The following DISC1 variants were observed in gnomAD, a reference collection of about 807,000 sequenced individuals.
The protein encoded by DISC1 is DISC1 scaffold protein.
In DISC1, 57 loss-of-function variants were observed where a neutral mutation model predicts 84.5. The observed-to-expected ratio is 0.67, with a 90% CI of 0.55 to 0.84. The LOEUF (loss-of-function observed/expected upper bound fraction) is 0.84. Among genes scored for constraint, DISC1 ranks in the 40% least tolerant of loss-of-function variants. The pLI, the probability that DISC1 is intolerant of heterozygous loss-of-function variation, is 0.00. For synonymous variants in DISC1, 411 were observed against 415.2 expected, an observed-to-expected ratio of 0.99 and a Z score of 0.12; for missense variants, 1,000 against 1,057.8, an observed-to-expected ratio of 0.95 and a Z score of 0.76.
At chr1:231,722,562 A>G (rs374522422) in intron 3 of DISC1, 2 of 1,614,068 alleles carry the variant, frequency 1.2e-6, no homozygotes, top group African/African-American at 1.3e-5. Context: ...CTTTGGATCC[A>G]CCATGGAAGC....
At chr1:231,671,686 C>G (rs1365186562) in intron 1 of DISC1, among the ~76,000 whole-genome samples, 2 of 152,120 alleles carry the variant, frequency 1.3e-5, no homozygotes, top group Admixed American at 1.3e-4. Flanking sequence ...CAGGTATTCT[C>G]ATGGTTTTAA....
Position 231,626,908 on chromosome 1 carries a change from G to GT in DISC1, c.41_42insT (p.Gly15ArgfsTer75). 6.7e-7 allele frequency: 1 copy of GT among 1,491,934 alleles called. No individual in the cohort carries two copies. Among genetic ancestry groups the GT allele is most frequent in the Non-Finnish European group, 8.9e-7 (1 of 1,127,448 alleles). 92.4% of individuals were successfully genotyped at this position (1,491,934 alleles called of 1,614,324 possible). A position where few individuals can be genotyped will look rare whatever the true frequency, so the allele number is the denominator to read the frequency against. On this transcript the variant is annotated frameshift_variant, in exon 1 of 13. Coordinates refer to ENST00000439617, the MANE Select transcript of DISC1 (RefSeq NM_018662.3). LOFTEE classifies it high-confidence loss of function. ...CCTCAGGGCGCCCCAGCCGCCGCCG[G>GT]CGGCGGCGGCGTGAGCCACCGCGCA...
At chr1:231,983,528 G>C (rs919790797) in intron 10 of DISC1, among the ~76,000 whole-genome samples, 2 of 14,544 alleles carry the variant, frequency 1.4e-4, no homozygotes, top group Admixed American at 9.3e-4. Context: ...ATATGGGCCC[G>C]GGGGTGGGGT....
At chr1:231,746,510 C>T (rs961152575) in intron 3 of DISC1, among the ~76,000 whole-genome samples, 8 of 152,192 alleles carry the variant, frequency 5.3e-5, no homozygotes, top group Admixed American at 2.0e-4. Flanking sequence ...TTTGTAGTTT[C>T]TTGAGGAACT....
intron 9 of DISC1, among the ~76,000 whole-genome samples, chr1:231,901,597 G>A (rs913392552): frequency 2.0e-5 from 3 of 152,160 alleles, no homozygotes; most frequent in African/African-American, 7.2e-5. Flanking sequence ...ATGAAATCAG[G>A]CTTGTATGGC....
intron 6 of DISC1, among the ~76,000 whole-genome samples, chr1:231,791,299 A>G (rs1024660235): frequency 1.3e-5 from 2 of 152,172 alleles, no homozygotes; most frequent in African/African-American, 4.8e-5. Context: ...GGTAGTTAGT[A>G]TTGTTCAACA....
intron 9 of DISC1, among the ~76,000 whole-genome samples, chr1:231,869,345 C>G (rs962846190): frequency 6.6e-6 from 1 of 152,006 alleles, no homozygotes; most frequent in Non-Finnish European, 1.5e-5. Flanking sequence ...TGGCCCTCAA[C>G]AAAAATATAA....
chr1:231,867,029 A>G (rs1039907960), intron 9 of DISC1, among the ~76,000 whole-genome samples: 1 of 152,144 alleles, frequency 6.6e-6, no homozygotes, highest in African/African-American at 2.4e-5. Context: ...AATCAACACA[A>G]TTACATTCCT....
intron 3 of DISC1, 21 bp downstream of exon 3, chr1:231,702,045 T>G: frequency 6.3e-7 from 1 of 1,597,804 alleles, no homozygotes; most frequent in East Asian, 2.2e-5. Flanking sequence ...ATTTGTTTAT[T>G]GATTGTTTTG....
intron 9 of DISC1, among the ~76,000 whole-genome samples, chr1:231,823,628 C>G (rs1338394125): frequency 6.6e-6 from 1 of 152,160 alleles, no homozygotes; most frequent in African/African-American, 2.4e-5. Context: ...AGCTCTTTTA[C>G]TTGTATTATT....
At chr1:231,963,532 T>G (rs1660678639) in intron 10 of DISC1, among the ~76,000 whole-genome samples, 1 of 139,202 alleles carries the variant, frequency 7.2e-6, no homozygotes. Context: ...AGCCCACCCC[T>G]CACCCTCACC....
intron 1 of DISC1, among the ~76,000 whole-genome samples, chr1:231,691,616 C>T (rs1044491138): frequency 6.6e-6 from 1 of 152,310 alleles, no homozygotes; most frequent in East Asian, 1.9e-4. Context: ...TCTTTTTAAA[C>T]CACAGACAGT....
At chr1:231,757,813 A>C (rs2075286372) in intron 4 of DISC1, among the ~76,000 whole-genome samples, 1 of 152,198 alleles carries the variant, frequency 6.6e-6, no homozygotes, top group African/African-American at 2.4e-5. Flanking sequence ...GGGCAGCAAC[A>C]CATCAGAAGT....
At chr1:231,866,730 T>C in intron 9 of DISC1, 1 of 1,346,966 alleles carries the variant, frequency 7.4e-7, no homozygotes, top group Non-Finnish European at 9.5e-7. Flanking sequence ...TTCGACTTTC[T>C]AGTCGTCGTG....
intron 9 of DISC1, among the ~76,000 whole-genome samples, chr1:231,869,243 C>T (rs1275397677): frequency 1.3e-5 from 2 of 152,092 alleles, no homozygotes; most frequent in Non-Finnish European, 2.9e-5. Context: ...GAAAGATATA[C>T]AACCACCGGG....
intron 10 of DISC1, among the ~76,000 whole-genome samples, chr1:231,984,355 T>C (rs1664094664): frequency 6.6e-6 from 1 of 152,068 alleles, no homozygotes; most frequent in Non-Finnish European, 1.5e-5. Context: ...AAATAATATT[T>C]TGAGTATAGT....
intron 11 of DISC1, among the ~76,000 whole-genome samples, chr1:232,022,293 C>A (rs1267006663): frequency 2.0e-5 from 3 of 151,116 alleles, no homozygotes; most frequent in Non-Finnish European, 1.5e-5. Flanking sequence ...CAACTTTGCA[C>A]AGCTGATACC....
chr1:231,923,417 C>A (rs375882074), intron 9 of DISC1, among the ~76,000 whole-genome samples: 10 of 152,252 alleles, frequency 6.6e-5, no homozygotes, highest in African/African-American at 2.4e-4. Context: ...CCCTCAGTGC[C>A]CTCCCTTCCA....
intron 3 of DISC1, among the ~76,000 whole-genome samples, chr1:231,718,167 G>A (rs1364350148): frequency 6.6e-6 from 1 of 152,072 alleles, no homozygotes; most frequent in Non-Finnish European, 1.5e-5. Flanking sequence ...GCCTCTTAAT[G>A]GGTCCTTGGT....
Sources: allele counts gnomAD v4.1 joint callset (sites outside exome capture counted in the v4.1 genomes callset), GRCh38; gene constraint gnomAD v4.1.1; transcripts MANE v1.5; gene names NCBI Gene and HGNC (gene_info 2026-07-23, HGNC 2026-07-21).